Variants in NAALADL2 observed in about 807,000 individuals in gnomAD.
NAALADL2 encodes N-acetylated alpha-linked acidic dipeptidase like 2, also known as inactive N-acetylated-alpha-linked acidic dipeptidase-like protein 2.
Under a neutral mutation model 87.2 loss-of-function variants are expected in NAALADL2, and 76 were observed. The observed-to-expected ratio is 0.87, with a 90% confidence interval of 0.72 to 1.05. The LOEUF is 1.05. Ranked by LOEUF, NAALADL2 falls within the 50% of genes least tolerant of loss-of-function variation. The pLI, the probability that NAALADL2 is intolerant of heterozygous loss-of-function variation, is 0.00. For missense variants in NAALADL2, 1,089 were observed against 945.8 expected, an observed-to-expected ratio of 1.15 and a Z score of -1.99; for synonymous variants, 354 against 331.0, an observed-to-expected ratio of 1.07 and a Z score of -0.75.
intron 2 of NAALADL2, among the ~76,000 whole-genome samples, chr3:174,715,018 A>G (rs982781681): frequency 1.3e-5 from 2 of 152,156 alleles, no homozygotes; most frequent in Non-Finnish European, 2.9e-5. Flanking sequence ...GAGTTGTTGA[A>G]TTTTGTCAAA....
rs568703797 is a variant in NAALADL2, at chr3:174,465,185, T to C, written c.-184+24153T>C. ...TTGAGTATATAGTTATGATTCTCTG[T>C]GTGTGTGTTCATTTGCATGTGTGTG... On this transcript the variant is annotated intron_variant, in intron 1 of 3. Coordinates refer to the NAALADL2 transcript ENST00000434257. 9.8e-3 allele frequency among the ~76,000 whole-genome samples: 1,485 copies of C among 152,178 alleles called. 30 individuals carry two copies. Among genetic ancestry groups the C allele is most frequent in the African/African-American group, 0.034 (1,429 of 41,516 alleles).
chr3:175,588,759 C>G (rs147312278), intron 10 of NAALADL2, among the ~76,000 whole-genome samples: 1 of 151,948 alleles, frequency 6.6e-6, no homozygotes, highest in Non-Finnish European at 1.5e-5. Context: ...AGGATGGTCT[C>G]GATCTCCTGA....
intron 2 of NAALADL2, among the ~76,000 whole-genome samples, chr3:175,196,564 A>G (rs887688856): frequency 6.6e-6 from 1 of 151,966 alleles, no homozygotes. Flanking sequence ...GCTTTAGACT[A>G]TCCACCTTCC....
At chr3:174,712,632 C>T (rs538424725) in intron 2 of NAALADL2, among the ~76,000 whole-genome samples, 16 of 151,864 alleles carry the variant, frequency 1.1e-4, no homozygotes, top group East Asian at 5.8e-4. Flanking sequence ...ATGATCCACC[C>T]GCCTCAGCCT....
chr3:175,417,048 T>C (rs1714768830), intron 5 of NAALADL2, among the ~76,000 whole-genome samples: 1 of 146,390 alleles, frequency 6.8e-6, no homozygotes, highest in East Asian at 2.0e-4. Flanking sequence ...AAAATATTTA[T>C]AAATTTGGTT....
intron 2 of NAALADL2, among the ~76,000 whole-genome samples, chr3:174,713,941 A>G (rs371608904): frequency 1.3e-5 from 2 of 152,104 alleles, no homozygotes; most frequent in Admixed American, 6.6e-5. Flanking sequence ...TAGGTCTAAC[A>G]TTTAAGTCTT....
chr3:174,685,543 G>C (rs1372400717), intron 2 of NAALADL2, among the ~76,000 whole-genome samples: 1 of 152,050 alleles, frequency 6.6e-6, no homozygotes, highest in African/African-American at 2.4e-5. Flanking sequence ...TTATGGAAGT[G>C]AGCAGAATGA....
At chr3:174,721,794 G>C (rs1291569374) in intron 2 of NAALADL2, among the ~76,000 whole-genome samples, 1 of 152,168 alleles carries the variant, frequency 6.6e-6, no homozygotes, top group Non-Finnish European at 1.5e-5. Flanking sequence ...GCACCAGCTG[G>C]AGTGTGCAAG....
At chr3:174,609,350 A>G (rs748835667) in intron 2 of NAALADL2, among the ~76,000 whole-genome samples, 10 of 152,094 alleles carry the variant, frequency 6.6e-5, no homozygotes, top group Non-Finnish European at 1.0e-4. Flanking sequence ...AGCGTATCCA[A>G]TTAGGAAAAG....
intron 2 of NAALADL2, among the ~76,000 whole-genome samples, chr3:175,233,274 A>T (rs1176776870): frequency 6.6e-6 from 1 of 152,200 alleles, no homozygotes; most frequent in African/African-American, 2.4e-5. Flanking sequence ...ATAACAAAGA[A>T]ATGTCTCAAC....
At chr3:174,960,073 C>T (rs947805568) in intron 1 of NAALADL2, among the ~76,000 whole-genome samples, 1 of 151,982 alleles carries the variant, frequency 6.6e-6, no homozygotes, top group Non-Finnish European at 1.5e-5. Flanking sequence ...GTAGTTAATG[C>T]TTTGGAGTAG....
intron 11 of NAALADL2, among the ~76,000 whole-genome samples, chr3:175,719,259 A>G (rs1214553685): frequency 6.6e-6 from 1 of 152,058 alleles, no homozygotes; most frequent in Non-Finnish European, 1.5e-5. Flanking sequence ...TTGTTAAATG[A>G]GTCACTAGAA....
At chr3:175,582,359 A>C (rs1335571983) in intron 10 of NAALADL2, among the ~76,000 whole-genome samples, 1 of 152,212 alleles carries the variant, frequency 6.6e-6, no homozygotes, top group Non-Finnish European at 1.5e-5. Context: ...CTTGCTTAGA[A>C]ATCTAAATAA....
chr3:174,816,898 G>A (rs923971103), intron 3 of NAALADL2, among the ~76,000 whole-genome samples: 8 of 152,146 alleles, frequency 5.3e-5, no homozygotes, highest in African/African-American at 1.9e-4. Flanking sequence ...CACAGGCCTT[G>A]TAGTATTAAC....
chr3:175,361,294 C>A (rs1371227077), intron 5 of NAALADL2, among the ~76,000 whole-genome samples: 1 of 148,986 alleles, frequency 6.7e-6, no homozygotes, highest in Non-Finnish European at 1.5e-5. Flanking sequence ...GGTTCCAAGT[C>A]TTTGCTATTG....
chr3:175,006,485 A>C (rs750814279), intron 1 of NAALADL2, among the ~76,000 whole-genome samples: 1 of 152,106 alleles, frequency 6.6e-6, no homozygotes, highest in Non-Finnish European at 1.5e-5. Context: ...CTTTCTGTCA[A>C]AGTTATGCAG....
chr3:175,111,874 C>G (rs1412264569), intron 2 of NAALADL2, among the ~76,000 whole-genome samples: 1 of 151,590 alleles, frequency 6.6e-6, no homozygotes, highest in Non-Finnish European at 1.5e-5. Flanking sequence ...ATTTATATCA[C>G]AGCAACACAA....
chr3:174,677,204 T>A (rs1409140387), intron 2 of NAALADL2, among the ~76,000 whole-genome samples: 1 of 152,032 alleles, frequency 6.6e-6, no homozygotes, highest in East Asian at 1.9e-4. Flanking sequence ...TTGACACATA[T>A]GTTTGTGACC....
intron 5 of NAALADL2, among the ~76,000 whole-genome samples, chr3:175,376,666 T>C (rs1028827975): frequency 6.6e-6 from 1 of 152,194 alleles, no homozygotes; most frequent in African/African-American, 2.4e-5. Flanking sequence ...TCATCAGAGT[T>C]GGGTATTTTT....
Sources: allele counts gnomAD v4.1 joint callset (sites outside exome capture counted in the v4.1 genomes callset), GRCh38; gene constraint gnomAD v4.1.1; transcripts MANE v1.5; gene names NCBI Gene and HGNC (gene_info 2026-07-23, HGNC 2026-07-21).